Variants in LAP3 observed in about 807,000 individuals in gnomAD.
LAP3 encodes leucine aminopeptidase 3.
LAP3 carries 46 observed loss-of-function variants against 58.8 expected under a neutral mutation model. The ratio of observed to expected loss-of-function variants is 0.78; its 90% CI spans 0.62 to 1.00. The LOEUF is 1.00. LAP3 is among the 50% of genes least tolerant of loss of function. LAP3 has a pLI of 0.00. For missense variants in LAP3, 615 were observed against 659.1 expected, an observed-to-expected ratio of 0.93 and a Z score of 0.73; for synonymous variants, 257 against 237.7, an observed-to-expected ratio of 1.08 and a Z score of -0.75.
At position 17,583,636 on chromosome 4, in the gene LAP3, A is replaced by T; in HGVS notation, c.533A>T (p.Tyr178Phe). The T allele has an allele frequency of 6.2e-7, 1 of 1,612,324 alleles. No homozygotes were observed. Among genetic ancestry groups the T allele is most frequent in the Non-Finnish European group, 8.5e-7 (1 of 1,179,982 alleles). The change falls in exon 5 of 13, where the codon TAT becomes TTT. Residue 178 changes from tyrosine (Y) to phenylalanine (F), a missense_variant. Coordinates refer to ENST00000226299, the MANE Select transcript of LAP3 (RefSeq NM_015907.3). ...AAGATGGCTGTGTCGGCAAAGCTCT[A>T]TGGAAGGTGATGGAAGCAAATTAGG... is the stretch of plus-strand genomic sequence containing the variant. ...KKKMAVSAKLYGSGDQEAWQK... is the reference protein window; with the variant it reads ...KKKMAVSAKLFGSGDQEAWQK...
intron 3 of LAP3, 112 bp downstream of exon 3, chr4:17,581,926 T>G: frequency 4.4e-6 from 4 of 902,786 alleles, no homozygotes; most frequent in Non-Finnish European, 7.1e-6. Context: ...TATGATTTTA[T>G]TCCACTATTA....
chr4:17,597,545 A>T (rs911181851), intron 9 of LAP3, among the ~76,000 whole-genome samples: 1 of 152,246 alleles, frequency 6.6e-6, no homozygotes, highest in African/African-American at 2.4e-5. Flanking sequence ...CTAGGATTAC[A>T]GGCGCGAGCC....
intron 7 of LAP3, among the ~76,000 whole-genome samples, chr4:17,592,274 A>G (rs745375627): frequency 9.2e-5 from 14 of 152,150 alleles, no homozygotes; most frequent in African/African-American, 2.9e-4. Context: ...ACAGCCGATC[A>G]TCTTCCTATT....
Position 17,600,133 on chromosome 4 carries a change from A to T in LAP3, c.1180+1575A>T, listed in dbSNP as rs188228458. Among the ~76,000 whole-genome samples the T allele has an allele frequency of 8.1e-4, 123 of 152,192 alleles. 1 individual carries two copies. Among genetic ancestry groups the T allele is most frequent in the South Asian group, 3.5e-3 (17 of 4,822 alleles). On this transcript the variant is annotated intron_variant, in intron 10 of 12. Transcript: ENST00000226299. Reference sequence around the variant, plus strand: ...ATTCATCCTGACTCTACCCCTTTTTAAAAAAAATTAATTTCTGAATCTTAA... The same window carrying T: ...ATTCATCCTGACTCTACCCCTTTTTTAAAAAAATTAATTTCTGAATCTTAA...
rs532563040 is a variant in LAP3, at chr4:17,595,862, C to T, written c.988+328C>T. ...TTGGGGTGGCAGGACGTTGCTGGCT[C>T]ATTGACTGATTGCTTCGTAGGATTG... On this transcript the variant is annotated intron_variant, in intron 8 of 12. Transcript: ENST00000226299. Among the ~76,000 whole-genome samples the T allele has an allele frequency of 3.3e-5, 5 of 152,216 alleles. No homozygotes were observed. The East Asian group carries it at 9.7e-4, about 29-fold the overall frequency.
intron 8 of LAP3, among the ~76,000 whole-genome samples, chr4:17,596,360 AT>A (rs1179145299): frequency 1.3e-5 from 2 of 151,516 alleles, no homozygotes; most frequent in Non-Finnish European, 2.9e-5. Flanking sequence ...TTTTTTTGAG[AT>A]GGAGTTTCGC....
intron 7 of LAP3, among the ~76,000 whole-genome samples, chr4:17,593,683 C>T (rs920297586): frequency 7.8e-6 from 1 of 128,924 alleles, no homozygotes; most frequent in Non-Finnish European, 1.5e-5. Context: ...GCAATCTTGG[C>T]CCACTGCAGC....
intron 7 of LAP3, among the ~76,000 whole-genome samples, chr4:17,593,609 G>GTTTTTTTTTTTTTTTTTTTTTTTTTTTTT (rs55676326): frequency 1.1e-5 from 1 of 87,608 alleles, no homozygotes; most frequent in Non-Finnish European, 2.0e-5. Flanking sequence ...ATCTGCTTGG[G>GTTTTTTTTTTTTTTTTTTTTTTTTTTTTT]TTTTTTTTTT....
chr4:17,580,457 G>T (rs1461519985), intron 2 of LAP3, among the ~76,000 whole-genome samples: 1 of 151,646 alleles, frequency 6.6e-6, no homozygotes, highest in Non-Finnish European at 1.5e-5. Context: ...TGCAGTTCTG[G>T]GAAGTCAGGC....
chr4:17,606,559 C>T (rs1325005048), intron 11 of LAP3, among the ~76,000 whole-genome samples: 3 of 152,146 alleles, frequency 2.0e-5, no homozygotes, highest in Non-Finnish European at 4.4e-5. Flanking sequence ...AGGATGGTCT[C>T]GATTTCTTGA....
At chr4:17,577,839 G>A (rs1713250684) in intron 1 of LAP3, among the ~76,000 whole-genome samples, 1 of 152,244 alleles carries the variant, frequency 6.6e-6, no homozygotes, top group South Asian at 2.1e-4. Context: ...ACTTGCTCCA[G>A]TCGTCACCCG....
In LAP3 at chr4:17,582,403, CTT is replaced by C. The variant is rs766419205; in HGVS notation, c.379+14_379+15del. ...AGAGCTGCTGTTGCAGGTTATTTCA[CTT>C]TTTAAGTTTAAAGAATCCTGAGGAT... is the stretch of plus-strand genomic sequence containing the variant. On this transcript the variant is annotated intron_variant, in intron 4 of 12. Coordinates refer to ENST00000226299, the MANE Select transcript of LAP3 (RefSeq NM_015907.3). The C allele has an allele frequency of 1.9e-6, 3 of 1,600,470 alleles. No individual in the cohort carries two copies. In the African/African-American group the frequency reaches 4.0e-5, roughly 21 times the overall value.
At chr4:17,607,269 T>C in intron 12 of LAP3, 131 bp from the exon 13 acceptor site, 1 of 674,232 alleles carries the variant, frequency 1.5e-6, no homozygotes. Flanking sequence ...AACTGATATG[T>C]GGGTTAGCAT....
rs1166588731 is a variant in LAP3 at position 17,585,204 on chromosome 4, C to T, written c.704+68C>T. ...AAGGAGCCCTTGAGATCCTAAAATCCAGCTCCCTCACTTTTTAGAGGAATA... is the reference window on the plus strand; with the variant it reads ...AAGGAGCCCTTGAGATCCTAAAATCTAGCTCCCTCACTTTTTAGAGGAATA... On this transcript the variant is annotated intron_variant, in intron 6 of 12. Transcript: ENST00000226299. The T allele has an allele frequency of 6.1e-6, 8 of 1,315,666 alleles. No individual in the cohort carries two copies. In the East Asian group the frequency reaches 1.6e-4, roughly 27 times the overall value. 81.5% of individuals were successfully genotyped at this position (1,315,666 alleles called of 1,614,324 possible). A position where few individuals can be genotyped will look rare whatever the true frequency, so the allele number is the denominator to read the frequency against.
At chr4:17,590,923 C>CTTTTTT (rs533480552) in intron 7 of LAP3, among the ~76,000 whole-genome samples, 2 of 81,184 alleles carry the variant, frequency 2.5e-5, no homozygotes, top group Non-Finnish European at 4.6e-5. Flanking sequence ...GAAAGTTAAA[C>CTTTTTT]TTTTTTTTTT....
At chr4:17,595,258 T>G (rs965612849) in intron 7 of LAP3, 152 bp from the exon 8 acceptor site, 1 of 716,784 alleles carries the variant, frequency 1.4e-6, no homozygotes, top group African/African-American at 1.8e-5. Context: ...CAGGATGGTC[T>G]CGATCTCCTG....
chr4:17,584,898 A>T, intron 5 of LAP3, 74 bp from the exon 6 acceptor site: 4 of 1,413,162 alleles, frequency 2.8e-6, no homozygotes, highest in Non-Finnish European at 3.9e-6. Flanking sequence ...GTAAGGTAAG[A>T]GTGTCTCTTA....
intron 9 of LAP3, among the ~76,000 whole-genome samples, chr4:17,598,023 C>T (rs1467407584): frequency 6.6e-6 from 1 of 152,204 alleles, no homozygotes; most frequent in Admixed American, 6.5e-5. Flanking sequence ...TCTTTAACCT[C>T]ATTTTTGGAA....
intron 7 of LAP3, among the ~76,000 whole-genome samples, chr4:17,590,923 C>CTTT (rs533480552): frequency 3.7e-4 from 30 of 81,178 alleles, no homozygotes; most frequent in Middle Eastern, 7.6e-3. Flanking sequence ...GAAAGTTAAA[C>CTTT]TTTTTTTTTT....
Sources: gnomAD v4.1 joint callset for allele counts (sites outside exome capture counted in the v4.1 genomes callset) on GRCh38, gnomAD v4.1.1 for gene constraint, MANE v1.5 for transcripts, NCBI Gene and HGNC (gene_info 2026-07-23, HGNC 2026-07-21) for gene names.